The following ZNF83 variants were observed in gnomAD, a reference collection of about 807,000 sequenced individuals.
ZNF83 encodes the protein zinc finger protein 83, also known as zinc finger protein 816B.
For missense variants in ZNF83, 552 were observed against 629.9 expected (o/e 0.88, Z 1.32); for synonymous variants, 209 against 213.0 (o/e 0.98, Z 0.17).
intron 1 of ZNF83, among the ~76,000 whole-genome samples, chr19:52,670,972 G>T (rs1245535150): frequency 6.6e-6 from 1 of 152,170 alleles, no homozygotes; most frequent in African/African-American, 2.4e-5. Flanking sequence ...AATAGATGAT[G>T]AATGTTTTTT....
intron 1 of ZNF83, among the ~76,000 whole-genome samples, chr19:52,682,165 T>C (rs1363309185): frequency 1.3e-5 from 2 of 152,040 alleles, no homozygotes; most frequent in Non-Finnish European, 2.9e-5. Flanking sequence ...TATTAACTCA[T>C]TATTGTGATA....
chr19:52,686,019 A>C (rs899219), intron 1 of ZNF83, among the ~76,000 whole-genome samples: 105,202 of 151,924 alleles, frequency 0.69, 37,777 homozygotes, highest in African/African-American at 0.9. Context: ...GGGAAACATG[A>C]ACTTAATAGC....
chr19:52,625,724 G>A (rs888780442), intron 2 of ZNF83, among the ~76,000 whole-genome samples: 2 of 152,028 alleles, frequency 1.3e-5, no homozygotes, highest in Non-Finnish European at 2.9e-5. Flanking sequence ...TCTCCTCCCA[G>A]GCCCTCTTCT....
intron 3 of ZNF83, among the ~76,000 whole-genome samples, chr19:52,647,104 A>G (rs888798911): frequency 6.6e-6 from 1 of 152,082 alleles, no homozygotes; most frequent in African/African-American, 2.4e-5. Context: ...ACATTATGTA[A>G]TAACAGAAAG....
intron 1 of ZNF83, among the ~76,000 whole-genome samples, chr19:52,686,332 T>C (rs935087639): frequency 2.6e-5 from 4 of 151,844 alleles, no homozygotes; most frequent in Non-Finnish European, 5.9e-5. Flanking sequence ...AACATATACA[T>C]GTACAGAAAG....
In ZNF83 at chr19:52,659,228, C is replaced by T. The variant is rs111260610; in HGVS notation, c.-201+1534G>A. ...CAACCTGTGAAGGAAGCGTGAGGAC[C>T]GCCCTCTTGAGGAAAGCTGCGATGG... On this transcript the variant is annotated intron_variant, in intron 2 of 5. Coordinates refer to the ZNF83 transcript ENST00000594682. Among the ~76,000 whole-genome samples, 591 of 152,034 alleles carry T rather than the reference C, an allele frequency of 3.9e-3. 2 individuals carry two copies. The highest frequency in any genetic ancestry group is 0.013 in the African/African-American group (556 of 41,414).
chr19:52,618,896 C>T (rs771780878), intron 2 of ZNF83: 1 of 1,535,776 alleles, frequency 6.5e-7, no homozygotes, highest in Admixed American at 1.8e-5. Flanking sequence ...CAAAGATACA[C>T]AAGGGAACAT....
intron 3 of ZNF83, among the ~76,000 whole-genome samples, chr19:52,649,294 G>A (rs2061414074): frequency 1.3e-5 from 2 of 152,162 alleles, no homozygotes; most frequent in African/African-American, 2.4e-5. Flanking sequence ...AAGCAGGCAG[G>A]CTGGTGGCTT....
intron 3 of ZNF83, chr19:52,652,333 G>A (rs1271702715): frequency 1.1e-5 from 3 of 282,594 alleles, no homozygotes; most frequent in Non-Finnish European, 2.1e-5. Flanking sequence ...CTACTCAGGA[G>A]GCTAGGAAGG....
At chr19:52,618,638 C>A (rs1236840166) in intron 2 of ZNF83, 10 of 409,978 alleles carry the variant, frequency 2.4e-5, no homozygotes, top group Admixed American at 4.2e-5. Context: ...CTGAAGTGAT[C>A]CACAAGCTTT....
upstream of ZNF83, among the ~76,000 whole-genome samples, chr19:52,641,405 T>C (rs1262214042): frequency 3.3e-5 from 5 of 152,226 alleles, no homozygotes; most frequent in African/African-American, 4.8e-5. Flanking sequence ...CAGCTTTAAA[T>C]TGGCTAAAAT....
chr19:52,639,415 A>ATTTTTTTTTTTTTTTTTTTTTTTTTTT (rs1160711365), upstream of ZNF83, among the ~76,000 whole-genome samples: 2 of 86,310 alleles, frequency 2.3e-5, no homozygotes, highest in Non-Finnish European at 4.2e-5. Context: ...AGTTTTTTCT[A>ATTTTTTTTTTTTTTTTTTTTTTTTTTT]TTTTTTTTTT....
intron 2 of ZNF83, among the ~76,000 whole-genome samples, chr19:52,633,286 C>T (rs192361562): frequency 6.6e-6 from 1 of 152,216 alleles, no homozygotes; most frequent in East Asian, 1.9e-4. Flanking sequence ...ACCCCATCTC[C>T]CTTCGCTGAC....
At chr19:52,648,165 T>C (rs1392791164) in intron 3 of ZNF83, among the ~76,000 whole-genome samples, 1 of 151,744 alleles carries the variant, frequency 6.6e-6, no homozygotes, top group Non-Finnish European at 1.5e-5. Flanking sequence ...TTTTTTTTTT[T>C]CACTTTTGTC....
Position 52,619,700 on chromosome 19 carries a change from T to C in ZNF83, c.-233-4903A>G, listed in dbSNP as rs921567708. On this transcript the variant is annotated intron_variant, in intron 2 of 2. Transcript: ENST00000301096. Reference sequence around the variant, plus strand: ...CTCAGTATCTAGATGAGATAGAGCATGAGTGATGCCTTCAAAGATGACAAC... The same window carrying C: ...CTCAGTATCTAGATGAGATAGAGCACGAGTGATGCCTTCAAAGATGACAAC... Among the ~76,000 whole-genome samples, 10 of 151,618 alleles carry C rather than the reference T, an allele frequency of 6.6e-5. 1 individual carries two copies. The highest frequency in any genetic ancestry group is 1.9e-4 in the East Asian group (1 of 5,138).
intron 1 of ZNF83, among the ~76,000 whole-genome samples, chr19:52,679,757 A>G (rs530018036): frequency 1.3e-5 from 2 of 152,230 alleles, no homozygotes; most frequent in Non-Finnish European, 2.9e-5. Flanking sequence ...ATGTTCAATC[A>G]TAACAGTCAA....
chr19:52,655,737 T>A lies in ZNF83; in HGVS notation c.-200-50A>T, dbSNP rs1486532650. 3 of 768,944 alleles carry A rather than the reference T, an allele frequency of 3.9e-6. No individual in the cohort carries two copies. The East Asian group carries it at 7.5e-5, about 19-fold the overall frequency. The allele number at this position is 768,944 out of a possible 1,614,324, so 47.6% of individuals were successfully genotyped here. A position where few individuals can be genotyped will look rare whatever the true frequency, so the allele number is the denominator to read the frequency against. On this transcript the variant is annotated intron_variant, in intron 2 of 5. Coordinates refer to the ZNF83 transcript ENST00000594682. ...AAAACATTAGGGAGGAGTCATTACC[T>A]TCACACAAAATGAGAAAAGAGAAAA...
At chr19:52,671,396 A>G (rs1335110251) in intron 1 of ZNF83, among the ~76,000 whole-genome samples, 1 of 152,118 alleles carries the variant, frequency 6.6e-6, no homozygotes, top group Admixed American at 6.5e-5. Context: ...AATTCACTCT[A>G]TGTGCCTTCT....
chr19:52,627,997 T>C (rs1206594330), intron 2 of ZNF83, among the ~76,000 whole-genome samples: 2 of 152,106 alleles, frequency 1.3e-5, no homozygotes, highest in Admixed American at 6.6e-5. Flanking sequence ...ACTGAGTACG[T>C]TGTGACACCC....
Sources: allele counts gnomAD v4.1 joint callset (sites outside exome capture counted in the v4.1 genomes callset), GRCh38; gene constraint gnomAD v4.1.1; transcripts MANE v1.5; gene names NCBI Gene and HGNC (gene_info 2026-07-23, HGNC 2026-07-21).